Variants in SPTA1 observed in about 807,000 individuals in gnomAD.
SPTA1 encodes the protein spectrin alpha, erythrocytic 1.
In SPTA1, 177 loss-of-function variants were observed where a neutral mutation model predicts 324.7. That is an observed-to-expected ratio of 0.55 (90% CI 0.48 to 0.62). SPTA1 has a LOEUF of 0.62. SPTA1 is among the 20% of genes least tolerant of loss of function. The pLI, the probability that SPTA1 is intolerant of heterozygous loss-of-function variation, is 0.00. For missense variants in SPTA1, 3,162 were observed against 2,883.6 expected (o/e 1.10, Z -2.21); for synonymous variants, 1,195 against 1,041.3 (o/e 1.15, Z -2.84).
In SPTA1 at chr1:158,686,546, A is replaced by G. The variant is rs561122674; in HGVS notation, c.-29T>C. The G allele has an allele frequency of 4.6e-6, 7 of 1,536,204 alleles. No individual in the cohort carries two copies. The African/African-American group carries it at 8.1e-5, about 18-fold the overall frequency. ...TCCTAAAGGTTTAGAACCTGGCAAG[A>G]TAAAATGTGTCAGAGAGAGAGAGAG... On this transcript the variant is annotated 5_prime_UTR_variant, in exon 1 of 52. Transcript: ENST00000643759.
chr1:158,638,457 T>C (rs2101814492), intron 35 of SPTA1, among the ~76,000 whole-genome samples: 1 of 152,298 alleles, frequency 6.6e-6, no homozygotes, highest in East Asian at 1.9e-4. Flanking sequence ...TTACTCAAAC[T>C]GTACATTTAG....
At chr1:158,630,285 G>A (rs757327716) in intron 39 of SPTA1, among the ~76,000 whole-genome samples, 1 of 151,968 alleles carries the variant, frequency 6.6e-6, no homozygotes, top group Non-Finnish European at 1.5e-5. Flanking sequence ...TATGGTACTG[G>A]CATAAAAACA....
chr1:158,649,883 C>G lies in SPTA1; in HGVS notation c.3542G>C (p.Ser1181Thr). 1 of 1,613,830 alleles carries G rather than the reference C, an allele frequency of 6.2e-7. No individual in the cohort carries two copies. Among genetic ancestry groups the G allele is most frequent in the Non-Finnish European group, 8.5e-7 (1 of 1,179,864 alleles). Residue 1181 changes from serine (S) to threonine (T), a missense_variant, in exon 25 of 52, where the codon AGT (serine) becomes ACT (threonine). Ser to Thr is a moderately conservative substitution (Grantham distance 58). Transcript: ENST00000643759. ...GTGAAACACTTCAACAGCATGGGCA[C>G]TGCCCAGCAGCTGCCGCTGTTCATC... ...LADEQRQLLG[S>T]AHAVEVFHRE...
chr1:158,683,089 T>C (rs1654922456), intron 3 of SPTA1, among the ~76,000 whole-genome samples: 1 of 152,178 alleles, frequency 6.6e-6, no homozygotes, highest in South Asian at 2.1e-4. Flanking sequence ...ATCTGGATAA[T>C]GTGGAACAGG....
Position 158,645,841 on chromosome 1 carries a change from C to A in SPTA1, c.3897-247G>T, listed in dbSNP as rs560837061. 3.5e-4 allele frequency among the ~76,000 whole-genome samples: 54 copies of A among 152,176 alleles called. 1 individual carries two copies. The highest frequency in any genetic ancestry group is 6.9e-4 in the Non-Finnish European group (47 of 68,002). ...TTCTTGCAGTAATCCTGCAGAGATT[C>A]CGGGAATTTTTTGTTTTCATTATGG... On this transcript the variant is annotated intron_variant, in intron 27 of 51. Coordinates refer to ENST00000643759, the MANE Select transcript of SPTA1 (RefSeq NM_003126.4).
At position 158,671,325 on chromosome 1, in the gene SPTA1, C is replaced by T. The variant is rs1406039609; in HGVS notation, c.1599+18G>A. ...TACAGAGAGGGAGCCAATGCCCAAACTAGGGCCAATTTCTTACTATGATCT... is the reference window on the plus strand; with the variant it reads ...TACAGAGAGGGAGCCAATGCCCAAATTAGGGCCAATTTCTTACTATGATCT... On this transcript the variant is annotated intron_variant, in intron 12 of 51. Transcript: ENST00000643759. 1.9e-6 allele frequency: 3 copies of T among 1,604,596 alleles called. No individual in the cohort carries two copies. Among genetic ancestry groups the T allele is most frequent in the Admixed American group, 3.3e-5 (2 of 59,884 alleles).
chr1:158,631,002 C>T (rs144209749), intron 39 of SPTA1, among the ~76,000 whole-genome samples: 2 of 151,898 alleles, frequency 1.3e-5, no homozygotes, highest in African/African-American at 4.8e-5. Flanking sequence ...ATGTGGTAAA[C>T]GGGACACTCT....
At chr1:158,623,586 T>C (rs996596982) in intron 42 of SPTA1, among the ~76,000 whole-genome samples, 2 of 152,220 alleles carry the variant, frequency 1.3e-5, no homozygotes, top group Non-Finnish European at 2.9e-5. Flanking sequence ...CTGATGGTTT[T>C]ATAAGGGGCT....
intron 20 of SPTA1, 100 bp from the exon 21 acceptor site, chr1:158,654,848 G>C (rs1330716370): frequency 3.2e-6 from 5 of 1,549,910 alleles, no homozygotes; most frequent in South Asian, 1.1e-5. Flanking sequence ...CAGGAGAAAA[G>C]AGCCTCTGGC....
At chr1:158,654,310 C>T (rs1035103588) in intron 21 of SPTA1, among the ~76,000 whole-genome samples, 1 of 152,112 alleles carries the variant, frequency 6.6e-6, no homozygotes. Flanking sequence ...AAGAAAGAGA[C>T]AGCTTAGCCC....
chr1:158,677,983 G>A (rs1355701705), intron 6 of SPTA1, 149 bp from the exon 7 acceptor site: 2 of 1,002,180 alleles, frequency 2.0e-6, no homozygotes, highest in East Asian at 2.5e-5. Flanking sequence ...AATATAAAAT[G>A]TTCTTACTTA....
chr1:158,641,179 A>T (rs1320063452), intron 33 of SPTA1, among the ~76,000 whole-genome samples: 1 of 152,180 alleles, frequency 6.6e-6, no homozygotes, highest in Non-Finnish European at 1.5e-5. Flanking sequence ...TAAAGACTTA[A>T]ATGTTAGACC....
chr1:158,643,060 C>G, intron 31 of SPTA1, 84 bp from the exon 32 acceptor site: 2 of 1,558,806 alleles, frequency 1.3e-6, no homozygotes, highest in Non-Finnish European at 1.8e-6. Flanking sequence ...TCCCATTTGC[C>G]AACATGCCTC....
intron 3 of SPTA1, among the ~76,000 whole-genome samples, chr1:158,682,925 T>G (rs1654911447): frequency 6.6e-6 from 1 of 152,010 alleles, no homozygotes; most frequent in Admixed American, 6.6e-5. Context: ...AGTCATAGGG[T>G]ATGGTGTATG....
At chr1:158,627,850 C>G (rs563800157) in intron 39 of SPTA1, 127 bp from the exon 40 acceptor site, 1 of 851,258 alleles carries the variant, frequency 1.2e-6, no homozygotes, top group Non-Finnish European at 1.9e-6. Flanking sequence ...TAGGTGAATG[C>G]CCACTTTTTC....
intron 23 of SPTA1, 101 bp downstream of exon 23, chr1:158,652,366 A>G (rs1652506076): frequency 7.5e-7 from 1 of 1,337,170 alleles, no homozygotes; most frequent in African/African-American, 1.4e-5. Context: ...CTTTGGGGAG[A>G]ATATTTAACA....
rs200343758 is a variant in SPTA1, at chr1:158,683,416, C to T, written c.345G>A (p.Arg115=). The T allele has an allele frequency of 1.6e-4, 257 of 1,613,330 alleles. No homozygotes were observed. Among genetic ancestry groups the T allele is most frequent in the Middle Eastern group, 6.6e-4 (4 of 6,058 alleles). The change falls in exon 3 of 52, where the codon AGG becomes AGA. Residue 115 remains arginine (R), a synonymous_variant. Transcript: ENST00000643759. ...AATGACCCATGGTAAATCGTTCTTC[C>T]CTTGTTTTTTCCAGTTCAGACATGA... The part of the protein sequence containing the change: ...SRLMSELEKT[R]EERFTMGHSA...
Position 158,678,506 on chromosome 1 carries a change from T to C in SPTA1, c.707A>G (p.Gln236Arg). 1 of 1,613,640 alleles carries C rather than the reference T, an allele frequency of 6.2e-7. No individual in the cohort carries two copies. The highest frequency in any genetic ancestry group is 8.5e-7 in the Non-Finnish European group (1 of 1,179,728). Residue 236 changes from glutamine (Q) to arginine (R), a missense_variant, in exon 6 of 52, where the codon CAG (glutamine) becomes CGG (arginine). Coordinates refer to ENST00000643759, the MANE Select transcript of SPTA1 (RefSeq NM_003126.4). ...AGCATTCACCTCATTTTGCTTAGACTGAATTAAGGGTAGGTCAGGATGGTT... is the reference window on the plus strand; with the variant it reads ...AGCATTCACCTCATTTTGCTTAGACCGAATTAAGGGTAGGTCAGGATGGTT... ...EENHPDLPLI[Q>R]SKQNEVNAAW...
chr1:158,672,069 C>A lies in SPTA1; in HGVS notation c.1478G>T (p.Ser493Ile), dbSNP rs750914727. ...GACCCCTCCCGTTACCTCTTGTCTA[C>A]TCATCCAACTGTCCACTTGCTCACT... ...RDSEQVDSWM[S>I]RQEAFLENED... Residue 493 changes from serine to isoleucine, a missense_variant, in exon 11 of 52, where the codon AGT (serine) becomes ATT (isoleucine). By Grantham distance (142) the Ser-to-Ile change is moderately radical. Transcript: ENST00000643759. 6.2e-7 allele frequency: 1 copy of A among 1,614,008 alleles called. No individual in the cohort carries two copies. The highest frequency in any genetic ancestry group is 1.7e-5 in the Admixed American group (1 of 60,010).
Sources: gnomAD v4.1 joint callset for allele counts (sites outside exome capture counted in the v4.1 genomes callset) on GRCh38, gnomAD v4.1.1 for gene constraint, MANE v1.5 for transcripts, NCBI Gene and HGNC (gene_info 2026-07-23, HGNC 2026-07-21) for gene names.